Variants in CPA6 observed in about 807,000 individuals in gnomAD.
CPA6 encodes carboxypeptidase B.
In CPA6, 58 loss-of-function variants were observed where a neutral mutation model predicts 63.3. The observed-to-expected ratio is 0.92, with a 90% confidence interval of 0.74 to 1.14. The LOEUF (loss-of-function observed/expected upper bound fraction) is 1.14, where lower values mean the gene tolerates loss of function less well. Among genes scored for constraint, CPA6 ranks in the 50% most tolerant of loss-of-function variants. The pLI is 0.00. For missense variants in CPA6, 565 were observed against 526.6 expected (o/e 1.07, Z -0.71); for synonymous variants, 185 against 179.0 (o/e 1.03, Z -0.27).
At chr8:67,650,784 T>C (rs979063285) in intron 1 of CPA6, among the ~76,000 whole-genome samples, 1 of 152,160 alleles carries the variant, frequency 6.6e-6, no homozygotes, top group African/African-American at 2.4e-5. Context: ...CCTATACTCT[T>C]GTCGGATTGT....
chr8:67,679,803 A>G (rs1816555319), intron 1 of CPA6, among the ~76,000 whole-genome samples: 1 of 152,118 alleles, frequency 6.6e-6, no homozygotes, highest in Admixed American at 6.5e-5. Context: ...CCATAGTTCA[A>G]CCTAACATTA....
intron 2 of CPA6, among the ~76,000 whole-genome samples, chr8:67,580,088 G>A (rs1813728608): frequency 6.6e-6 from 1 of 152,180 alleles, no homozygotes; most frequent in African/African-American, 2.4e-5. Flanking sequence ...AGCACTAACA[G>A]CAGAGGTTGA....
intron 1 of CPA6, among the ~76,000 whole-genome samples, chr8:67,697,528 T>C (rs532479154): frequency 6.6e-6 from 1 of 152,192 alleles, no homozygotes; most frequent in South Asian, 2.1e-4. Flanking sequence ...ATGAAATATA[T>C]GCTATAAAGG....
chr8:67,586,347 G>T (rs980016635), intron 2 of CPA6, among the ~76,000 whole-genome samples: 15 of 152,078 alleles, frequency 9.9e-5, no homozygotes, highest in African/African-American at 3.4e-4. Flanking sequence ...CCATATAGAG[G>T]TATTTTTACT....
At chr8:67,653,668 T>C (rs1177459842) in intron 1 of CPA6, among the ~76,000 whole-genome samples, 2 of 152,170 alleles carry the variant, frequency 1.3e-5, no homozygotes, top group African/African-American at 2.4e-5. Context: ...TTTCTAGATA[T>C]ATAATCATGT....
chr8:67,582,139 C>A (rs1026914114), intron 2 of CPA6, among the ~76,000 whole-genome samples: 1 of 152,120 alleles, frequency 6.6e-6, no homozygotes, highest in African/African-American at 2.4e-5. Flanking sequence ...AGGTGAACAG[C>A]TGCTAGAGCT....
intron 1 of CPA6, among the ~76,000 whole-genome samples, chr8:67,725,187 A>G (rs1247542944): frequency 1.3e-5 from 2 of 152,206 alleles, no homozygotes; most frequent in Non-Finnish European, 2.9e-5. Flanking sequence ...TATTTATATC[A>G]TAGCTGTTGT....
intron 2 of CPA6, among the ~76,000 whole-genome samples, chr8:67,595,864 G>A (rs1437266824): frequency 7.9e-5 from 12 of 152,232 alleles, no homozygotes; most frequent in South Asian, 2.1e-4. Flanking sequence ...GCCCTGCTTC[G>A]GCTGGCGCAC....
chr8:67,737,885 C>G (rs576837146), intron 1 of CPA6, among the ~76,000 whole-genome samples: 1 of 152,296 alleles, frequency 6.6e-6, no homozygotes, highest in East Asian at 1.9e-4. Context: ...AGTCTTAACT[C>G]TAGTGCTAGC....
intron 2 of CPA6, among the ~76,000 whole-genome samples, chr8:67,591,040 TC>T (rs1228371135): frequency 6.6e-6 from 1 of 151,068 alleles, no homozygotes; most frequent in Non-Finnish European, 1.5e-5. Context: ...AAGTCTTTAA[TC>T]CATCTTGAAT....
chr8:67,598,859 C>T (rs1814415847), intron 2 of CPA6, among the ~76,000 whole-genome samples: 1 of 151,654 alleles, frequency 6.6e-6, no homozygotes, highest in South Asian at 2.1e-4. Flanking sequence ...AACTATATTA[C>T]CAATAAAGAA....
At chr8:67,745,578 C>T (rs888492294) in intron 1 of CPA6, among the ~76,000 whole-genome samples, 2 of 148,866 alleles carry the variant, frequency 1.3e-5, no homozygotes, top group African/African-American at 4.9e-5. Context: ...TAAGCACAGA[C>T]AAAAAAAAAA....
intron 1 of CPA6, among the ~76,000 whole-genome samples, chr8:67,712,941 C>A (rs1250566811): frequency 6.6e-6 from 1 of 151,284 alleles, no homozygotes; most frequent in Non-Finnish European, 1.5e-5. Context: ...GTTCCAGGAA[C>A]CCTTATTTCA....
chr8:67,671,350 C>T, intron 1 of CPA6, among the ~76,000 whole-genome samples: 1 of 152,190 alleles, frequency 6.6e-6, no homozygotes, highest in East Asian at 1.9e-4. Context: ...TCATTGTACT[C>T]CTCCCCCATC....
intron 1 of CPA6, among the ~76,000 whole-genome samples, chr8:67,719,032 T>C (rs1817440644): frequency 6.6e-6 from 1 of 152,124 alleles, no homozygotes; most frequent in East Asian, 1.9e-4. Flanking sequence ...TATTTTTTTT[T>C]CTCTTATTCT....
chr8:67,720,205 T>C (rs916923144), intron 1 of CPA6, among the ~76,000 whole-genome samples: 1 of 133,464 alleles, frequency 7.5e-6, no homozygotes, highest in Admixed American at 7.0e-5. Context: ...TGAGCCAGGA[T>C]GAGCCAGGAA....
At chr8:67,654,745 C>T (rs1815942231) in intron 1 of CPA6, among the ~76,000 whole-genome samples, 1 of 152,106 alleles carries the variant, frequency 6.6e-6, no homozygotes, top group African/African-American at 2.4e-5. Context: ...ATGTCCTTCT[C>T]CAAGTGAGGC....
chr8:67,591,583 C>T (rs570691205), intron 2 of CPA6, among the ~76,000 whole-genome samples: 9 of 152,218 alleles, frequency 5.9e-5, no homozygotes, highest in African/African-American at 2.2e-4. Context: ...TTGTAGTTCT[C>T]CTTGAAGAGG....
Position 67,443,249 on chromosome 8 carries a change from G to A in CPA6, c.839-9009C>T, listed in dbSNP as rs745938731. Reference sequence around the variant, plus strand: ...CTAATTTTGTATTTTTAGTAGAGACGGGGTTTCACCATGCTGGCCAGGCTG... The same window carrying A: ...CTAATTTTGTATTTTTAGTAGAGACAGGGTTTCACCATGCTGGCCAGGCTG... On this transcript the variant is annotated intron_variant, in intron 8 of 10. Transcript: ENST00000297770. Among the ~76,000 whole-genome samples the A allele has an allele frequency of 2.6e-5, 4 of 151,892 alleles. No homozygotes were observed. The South Asian group carries it at 6.3e-4, about 24-fold the overall frequency.
Sources: gnomAD v4.1 joint callset for allele counts (sites outside exome capture counted in the v4.1 genomes callset) on GRCh38, gnomAD v4.1.1 for gene constraint, MANE v1.5 for transcripts, NCBI Gene and HGNC (gene_info 2026-07-23, HGNC 2026-07-21) for gene names.